GNGT2: variants seen among roughly 807,000 people sequenced by gnomAD.
The protein encoded by GNGT2 is G protein subunit gamma transducin 2.
GNGT2 carries 4 observed loss-of-function variants against 3.5 expected under a neutral mutation model. That is an observed-to-expected ratio of 1.13 (90% confidence interval 0.56 to 2.59). The LOEUF is 2.59. GNGT2 is among the 30% of genes most tolerant of loss of function. The pLI is 0.02. For missense variants in GNGT2, 64 were observed against 81.2 expected (o/e 0.79, Z 0.82); for synonymous variants, 31 against 29.5 (o/e 1.05, Z -0.17).
chr17:49,207,353 T>G lies in GNGT2; in HGVS notation c.70A>C (p.Asn24His). ...AGGAGGCTCACCGGAATTCTTGTGTTTTTCACTTCTTTCTTCAGCTGCTCC... is the reference window on the plus strand; with the variant it reads ...AGGAGGCTCACCGGAATTCTTGTGTGTTTCACTTCTTTCTTCAGCTGCTCC... The part of the protein sequence containing the change: ...EVEQLKKEVK[N>H]TRIPISKAGK... The change falls in exon 3 of 4, where the codon AAC (asparagine) becomes CAC (histidine). Residue 24 changes from asparagine (N) to histidine (H), a missense_variant. Coordinates refer to ENST00000507680, the MANE Select transcript of GNGT2 (RefSeq NM_001198754.2). 6.2e-7 allele frequency: 1 copy of G among 1,612,802 alleles called. No homozygotes were observed. The highest frequency in any genetic ancestry group is 8.5e-7 in the Non-Finnish European group (1 of 1,178,822).
At position 49,206,894 on chromosome 17, in the gene GNGT2, C is replaced by T; in HGVS notation, c.85-12G>A. 1.2e-6 allele frequency: 2 copies of T among 1,612,366 alleles called. No homozygotes were observed. Among genetic ancestry groups the T allele is most frequent in the Non-Finnish European group, 8.5e-7 (1 of 1,179,468 alleles). ...CCCGCTTTGGAAATCTGCGAGAACA[C>T]AAAAAATGTTTTAGGTCCTTGTTAC... is the stretch of plus-strand genomic sequence containing the variant. On this transcript the variant is annotated splice_polypyrimidine_tract_variant and intron_variant, in intron 3 of 3. Coordinates refer to ENST00000507680, the MANE Select transcript of GNGT2 (RefSeq NM_001198754.2).
Position 49,206,783 on chromosome 17 carries a change from C to A in GNGT2, c.184G>T (p.Glu62Ter). ...GIPEDKNPFKEKGGCLIS is the reference protein window; with the variant it reads ...GIPEDKNPFK ...CAGCTTATCAGACAGCCACCTTTCT[C>A]CTTGAAGGGATTCTTGTCCTCAGGG... The change falls in exon 4 of 4, where the codon GAG becomes TAG. Residue 62 changes from glutamate to a stop codon, truncating the protein, a stop_gained. Transcript: ENST00000507680. LOFTEE classifies it high-confidence loss of function. 1.9e-6 allele frequency: 3 copies of A among 1,613,880 alleles called. No homozygotes were observed. Among genetic ancestry groups the A allele is most frequent in the Non-Finnish European group, 2.5e-6 (3 of 1,179,904 alleles).
intron 2 of GNGT2, among the ~76,000 whole-genome samples, chr17:49,208,335 C>T (rs1042788750): frequency 6.6e-6 from 1 of 151,854 alleles, no homozygotes; most frequent in Non-Finnish European, 1.5e-5. Context: ...GTGGCGGGCA[C>T]CTGTAATCCC....
intron 2 of GNGT2, among the ~76,000 whole-genome samples, chr17:49,208,596 C>A (rs978926089): frequency 1.3e-5 from 2 of 151,978 alleles, no homozygotes; most frequent in African/African-American, 4.8e-5. Flanking sequence ...GTATTAGTTT[C>A]CCCAGCTGCA....
chr17:49,209,453 A>G (rs1224672694), intron 1 of GNGT2: 1 of 152,158 alleles, frequency 6.6e-6, no homozygotes, highest in Non-Finnish European at 1.5e-5. Context: ...GGCCACCTCT[A>G]ATGCCTCTGT....
intron 2 of GNGT2, among the ~76,000 whole-genome samples, chr17:49,208,558 C>T (rs912907547): frequency 6.6e-6 from 1 of 151,750 alleles, no homozygotes; most frequent in African/African-American, 2.4e-5. Flanking sequence ...CTCAGTGTGG[C>T]CTTAGGGAAG....
At chr17:49,208,425 C>T (rs911619214) in intron 2 of GNGT2, among the ~76,000 whole-genome samples, 5 of 151,184 alleles carry the variant, frequency 3.3e-5, no homozygotes, top group Non-Finnish European at 7.4e-5. Flanking sequence ...CACACCACTG[C>T]ACTCCAGCTT....
chr17:49,206,896 A>G lies in GNGT2; in HGVS notation c.85-14T>C. Reference sequence around the variant, plus strand: ...CGCTTTGGAAATCTGCGAGAACACAAAAAATGTTTTAGGTCCTTGTTACTG... The same window carrying G: ...CGCTTTGGAAATCTGCGAGAACACAGAAAATGTTTTAGGTCCTTGTTACTG... On this transcript the variant is annotated splice_polypyrimidine_tract_variant and intron_variant, in intron 3 of 3. Coordinates refer to ENST00000507680, the MANE Select transcript of GNGT2 (RefSeq NM_001198754.2). 1 of 1,614,004 alleles carries G rather than the reference A, an allele frequency of 6.2e-7. No individual in the cohort carries two copies.
intron 2 of GNGT2, 27 bp from the exon 3 acceptor site, chr17:49,207,471 A>T (rs1598232554): frequency 1.6e-6 from 2 of 1,262,332 alleles, no homozygotes. Context: ...AGCCAGGATC[A>T]TAAATCTCAT....
intron 2 of GNGT2, 80 bp from the exon 3 acceptor site, chr17:49,207,524 C>G (rs2043117895): frequency 1.3e-6 from 1 of 791,052 alleles, no homozygotes; most frequent in Non-Finnish European, 2.3e-6. Context: ...CTAGCATCTT[C>G]CCTGCCATAT....
intron 3 of GNGT2, 53 bp downstream of exon 3, chr17:49,207,286 G>A (rs568293523): frequency 8.5e-6 from 11 of 1,300,384 alleles, no homozygotes; most frequent in South Asian, 7.1e-5. Context: ...CCTCCTTCCC[G>A]GGGCTCATCA....
intron 2 of GNGT2, among the ~76,000 whole-genome samples, chr17:49,208,598 C>G (rs1169414335): frequency 6.6e-6 from 1 of 151,896 alleles, no homozygotes; most frequent in Admixed American, 6.6e-5. Flanking sequence ...ATTAGTTTCC[C>G]CAGCTGCAAA....
Position 49,210,464 on chromosome 17 carries a change from GGGATTGGGGGCT to G in GNGT2, c.-165_-154del. 1 of 386,138 alleles carries G rather than the reference GGGATTGGGGGCT, an allele frequency of 2.6e-6. No individual in the cohort carries two copies. The highest frequency in any genetic ancestry group is 4.7e-6 in the Non-Finnish European group (1 of 212,434). 23.9% of individuals were successfully genotyped at this position (386,138 alleles called of 1,614,324 possible). A position where few individuals can be genotyped will look rare whatever the true frequency, so the allele number is the denominator to read the frequency against. ...CCGACCTTGGCTTCCTCTGCTGGGT[GGGATTGGGGGCT>G]GGGCCCCCAAATGGGCCCCTGGCTT... On this transcript the variant is annotated 5_prime_UTR_variant, in exon 1 of 4. Transcript: ENST00000507680. This position sits in a 1 kb window ranked among gnomAD's most constrained non-coding sequence, Gnocchi z 4.2.
At chr17:49,208,136 G>C (rs931772964) in intron 2 of GNGT2, among the ~76,000 whole-genome samples, 30 of 151,954 alleles carry the variant, frequency 2.0e-4, no homozygotes, top group Non-Finnish European at 4.0e-4. Context: ...CTGCACTCCA[G>C]CCTGGGTAAC....
In GNGT2 at chr17:49,206,835, T is replaced by C; in HGVS notation, c.132A>G (p.Ala44=). The C allele has an allele frequency of 6.2e-7, 1 of 1,613,812 alleles. No individual in the cohort carries two copies. The change falls in exon 4 of 4, where the codon GCA becomes GCG. Residue 44 remains alanine (A), a synonymous_variant. Coordinates refer to ENST00000507680, the MANE Select transcript of GNGT2 (RefSeq NM_001198754.2). ...KEIKEYVEAQ[A]GNDPFLKGIP... ...TGCCTTTGAGAAAAGGATCGTTTCCTGCTTGGGCCTCCACGTACTCCTTGA... is the reference window on the plus strand; with the variant it reads ...TGCCTTTGAGAAAAGGATCGTTTCCCGCTTGGGCCTCCACGTACTCCTTGA...
chr17:49,207,253 C>G, intron 3 of GNGT2, 86 bp downstream of exon 3: 1 of 993,262 alleles, frequency 1.0e-6, no homozygotes, highest in Non-Finnish European at 1.6e-6. Flanking sequence ...CTGGAACAGT[C>G]CCACCACCCT....
chr17:49,207,294 T>A, intron 3 of GNGT2, 45 bp downstream of exon 3: 1 of 1,386,758 alleles, frequency 7.2e-7, no homozygotes, highest in Non-Finnish European at 1.0e-6. Flanking sequence ...CCGGGGCTCA[T>A]CAGGAACAGG....
At chr17:49,209,819 A>G (rs897810682) in intron 1 of GNGT2, among the ~76,000 whole-genome samples, 1 of 152,132 alleles carries the variant, frequency 6.6e-6, no homozygotes, top group African/African-American at 2.4e-5. Context: ...TGAAATCAGA[A>G]CAGGATCCTG....
chr17:49,210,228 C>G lies in GNGT2; in HGVS notation c.-133+216G>C, dbSNP rs2043147988. On this transcript the variant is annotated intron_variant, in intron 1 of 3. Transcript: ENST00000507680. This position sits in a 1 kb window ranked among gnomAD's most constrained non-coding sequence, Gnocchi z 4.2. Reference sequence around the variant, plus strand: ...CCTCTGGTATGACGGATCTCCATATCCTATCCACCCTCCACTCCCCTGTCC... The same window carrying G: ...CCTCTGGTATGACGGATCTCCATATGCTATCCACCCTCCACTCCCCTGTCC... 6.5e-6 allele frequency: 1 copy of G among 153,248 alleles called. No individual in the cohort carries two copies. Among genetic ancestry groups the G allele is most frequent in the South Asian group, 2.0e-4 (1 of 4,910 alleles). The allele number at this position is 153,248 out of a possible 1,614,324, so 9.5% of individuals were successfully genotyped here.
Sources: gnomAD v4.1 joint callset for allele counts (sites outside exome capture counted in the v4.1 genomes callset) on GRCh38, gnomAD v4.1.1 for gene constraint, Gnocchi (gnomAD v3.1) non-coding constraint, MANE v1.5 for transcripts, NCBI Gene and HGNC (gene_info 2026-07-23, HGNC 2026-07-21) for gene names.